The following DISP3 variants were observed in gnomAD, a reference collection of about 807,000 sequenced individuals.
DISP3 encodes the protein protein dispatched homolog 3.
DISP3 carries 101 observed loss-of-function variants against 135.3 expected under a neutral mutation model. The observed-to-expected ratio is 0.75, with a 90% CI of 0.64 to 0.88. The LOEUF is 0.88. DISP3 is among the 40% of genes least tolerant of loss of function. The pLI is 0.00. For synonymous variants in DISP3, 856 were observed against 817.0 expected (o/e 1.05, Z -0.81); for missense variants, 1,713 against 1,878.6 (o/e 0.91, Z 1.63).
At chr1:11,488,491 A>G (rs1641097140) in intron 1 of DISP3, among the ~76,000 whole-genome samples, 1 of 152,298 alleles carries the variant, frequency 6.6e-6, no homozygotes, top group Admixed American at 6.5e-5. Context: ...CTGGGTGGGC[A>G]CCGAAGGTGA....
At position 11,520,603 on chromosome 1, in the gene DISP3, A is replaced by C; in HGVS notation, c.2201-84A>C. On this transcript the variant is annotated intron_variant, in intron 9 of 20. Coordinates refer to ENST00000294484, the MANE Select transcript of DISP3 (RefSeq NM_020780.2). This position sits in a 1 kb window ranked among gnomAD's most constrained non-coding sequence, Gnocchi z 4.8. ...ACACCCGCCCCCCAACAACCAGAGC[A>C]GTTGTCTCCCGGCACTTTGGAGCCC... 3 of 1,454,494 alleles carry C rather than the reference A, an allele frequency of 2.1e-6. No homozygotes were observed. Among genetic ancestry groups the C allele is most frequent in the South Asian group, 1.3e-5 (1 of 77,644 alleles). The allele number at this position is 1,454,494 out of a possible 1,614,324, so 90.1% of individuals were successfully genotyped here.
intron 7 of DISP3, among the ~76,000 whole-genome samples, chr1:11,518,178 G>C (rs1304763045): frequency 6.6e-6 from 1 of 152,332 alleles, no homozygotes; most frequent in South Asian, 2.1e-4. Flanking sequence ...GCTGCCTGGG[G>C]TTGGGAGGAT....
At chr1:11,509,028 A>G (rs2594315) in intron 3 of DISP3, among the ~76,000 whole-genome samples, 129,475 of 152,070 alleles carry the variant, frequency 0.85, 55,216 homozygotes, top group Admixed American at 0.88. Flanking sequence ...TCCTAATAGA[A>G]GTGTTTAATG....
At chr1:11,506,956 C>T (rs1205731562) in intron 3 of DISP3, among the ~76,000 whole-genome samples, 5 of 152,142 alleles carry the variant, frequency 3.3e-5, no homozygotes, top group Non-Finnish European at 1.5e-5. Context: ...CATGTGCCAC[C>T]ATGCCCAGCT....
chr1:11,480,677 G>GCACACACACACACACACA (rs70983561), intron 1 of DISP3, among the ~76,000 whole-genome samples: 7 of 142,632 alleles, frequency 4.9e-5, no homozygotes, highest in Non-Finnish European at 1.1e-4. Flanking sequence ...GCGCGCGCGT[G>GCACACACACACACACACA]CACACACACA....
At chr1:11,535,762 CTG>C (rs1642693641) in intron 20 of DISP3, 118 bp downstream of exon 20, 2 of 1,328,848 alleles carry the variant, frequency 1.5e-6, no homozygotes, top group South Asian at 2.9e-5. Flanking sequence ...CCCATGCAGG[CTG>C]TGTTCTAGAA....
intron 10 of DISP3, among the ~76,000 whole-genome samples, chr1:11,521,173 G>A (rs765891472): frequency 1.3e-5 from 2 of 151,932 alleles, no homozygotes; most frequent in East Asian, 1.9e-4. Context: ...AGAGGCCCAC[G>A]TCATGGAAGG....
Position 11,535,142 on chromosome 1 carries a change from T to C in DISP3, c.3649+18T>C. 6.3e-7 allele frequency: 1 copy of C among 1,581,008 alleles called. No individual in the cohort carries two copies. The highest frequency in any genetic ancestry group is 8.6e-7 in the Non-Finnish European group (1 of 1,163,674). On this transcript the variant is annotated intron_variant, in intron 19 of 20. Transcript: ENST00000294484. ...CATCTTGGGTACGTGGGCGAGGGGC[T>C]GGCAGGCACCCTGCTGGTAGGGACG...
At chr1:11,514,999 T>C (rs939974238) in intron 4 of DISP3, among the ~76,000 whole-genome samples, 2 of 152,220 alleles carry the variant, frequency 1.3e-5, no homozygotes, top group African/African-American at 4.8e-5. Context: ...GGTAATACTT[T>C]CCAAAATGGA....
At chr1:11,497,734 C>T (rs184111998) in intron 1 of DISP3, among the ~76,000 whole-genome samples, 87 of 152,286 alleles carry the variant, frequency 5.7e-4, no homozygotes, top group African/African-American at 1.9e-3. Context: ...TTAGCTCCCA[C>T]GTATCAGTGA....
intron 3 of DISP3, among the ~76,000 whole-genome samples, chr1:11,503,379 C>A (rs1641608672): frequency 6.6e-6 from 1 of 152,188 alleles, no homozygotes; most frequent in African/African-American, 2.4e-5. Flanking sequence ...GCTGCAAGAC[C>A]TTTGGATGCT....
chr1:11,496,032 A>G (rs1329497377), intron 1 of DISP3, among the ~76,000 whole-genome samples: 2 of 152,274 alleles, frequency 1.3e-5, no homozygotes, highest in Non-Finnish European at 2.9e-5. Context: ...ACAAGTACAA[A>G]GGAGAAAATA....
In DISP3 at chr1:11,519,238, T is replaced by G. The variant is rs371304755; in HGVS notation, c.1890-117T>G. On this transcript the variant is annotated intron_variant, in intron 7 of 20. Coordinates refer to ENST00000294484, the MANE Select transcript of DISP3 (RefSeq NM_020780.2). The surrounding 1 kb of genome is among the most constrained non-coding windows in gnomAD (Gnocchi z 4.3). The stretch of plus-strand genomic sequence containing the variant: ...CCAGAAGTCTGGGGTGCTCATCCTG[T>G]GTGTGACGTCAGCAGCACTGTGATA... The G allele has an allele frequency of 2.7e-4, 340 of 1,253,272 alleles. 1 individual carries two copies. In the African/African-American group the frequency reaches 4.4e-3, roughly 16 times the overall value. The allele number at this position is 1,253,272 out of a possible 1,614,324, so 77.6% of individuals were successfully genotyped here. A position where few individuals can be genotyped will look rare whatever the true frequency, so the allele number is the denominator to read the frequency against.
At chr1:11,507,184 G>A (rs1173105510) in intron 3 of DISP3, among the ~76,000 whole-genome samples, 1 of 152,182 alleles carries the variant, frequency 6.6e-6, no homozygotes, top group African/African-American at 2.4e-5. Flanking sequence ...AAGGCACATA[G>A]AGTCGTGGCT....
chr1:11,497,392 C>A (rs958030085), intron 1 of DISP3, among the ~76,000 whole-genome samples: 1 of 148,522 alleles, frequency 6.7e-6, no homozygotes, highest in Non-Finnish European at 1.5e-5. Flanking sequence ...TCCATTGTAT[C>A]ATTCTTTTTT....
chr1:11,505,556 C>T (rs1361617900), intron 3 of DISP3, among the ~76,000 whole-genome samples: 1 of 152,200 alleles, frequency 6.6e-6, no homozygotes, highest in Non-Finnish European at 1.5e-5. Flanking sequence ...ATCCTGTAGA[C>T]TTGACTTAAG....
Position 11,501,590 on chromosome 1 carries a change from A to G in DISP3, c.598A>G (p.Ser200Gly). ...GGCTCAAAAGCCCACAGCCAATCGGAGCGGGCGACTTCGGCGTGAGACCCC... is the reference window on the plus strand; with the variant it reads ...GGCTCAAAAGCCCACAGCCAATCGGGGCGGGCGACTTCGGCGTGAGACCCC... ...SAAQKPTANR[S>G]GRLRRETPPL... is the part of the protein sequence containing the mutation. Residue 200 changes from serine to glycine, a missense_variant, in exon 2 of 21, where the codon AGC becomes GGC. Physicochemically the swap from Ser to Gly is moderately conservative, Grantham distance 56 (BLOSUM62 0). Around this residue, in one of 2 missense-constraint regions of DISP3, gnomAD observed 571 missense variants for 494.1 expected, o/e 1.16. Coordinates refer to ENST00000294484, the MANE Select transcript of DISP3 (RefSeq NM_020780.2). This position sits in a 1 kb window ranked among gnomAD's most constrained non-coding sequence, Gnocchi z 4.9. 4.4e-6 allele frequency: 7 copies of G among 1,598,186 alleles called. No individual in the cohort carries two copies. The highest frequency in any genetic ancestry group is 6.0e-6 in the Non-Finnish European group (7 of 1,171,120).
rs747326868 is a variant in DISP3 at position 11,520,802 on chromosome 1, C to T, written c.2316C>T (p.Leu772=). 6.2e-7 allele frequency: 1 copy of T among 1,613,232 alleles called. No individual in the cohort carries two copies. The highest frequency in any genetic ancestry group is 1.3e-5 in the African/African-American group (1 of 75,046). Reference sequence around the variant, plus strand: ...CCAACATCCAGGTGCTGCTGGACCTCAAGTACAACCTGAGCGCCGAGGGCA... The same window carrying T: ...CCAACATCCAGGTGCTGCTGGACCTTAAGTACAACCTGAGCGCCGAGGGCA... ...PDTNIQVLLD[L]KYNLSAEGIS... Residue 772 remains leucine, a synonymous_variant, in exon 10 of 21, where the codon CTC becomes CTT. Coordinates refer to ENST00000294484, the MANE Select transcript of DISP3 (RefSeq NM_020780.2). This position sits in a 1 kb window ranked among gnomAD's most constrained non-coding sequence, Gnocchi z 4.8.
intron 1 of DISP3, among the ~76,000 whole-genome samples, chr1:11,485,009 C>A (rs1258515890): frequency 1.3e-5 from 2 of 151,958 alleles, no homozygotes; most frequent in Admixed American, 6.6e-5. Context: ...GTGATTTTTG[C>A]CATTGAAAGT....
Sources: allele counts gnomAD v4.1 joint callset (sites outside exome capture counted in the v4.1 genomes callset), GRCh38; gene constraint gnomAD v4.1.1; regional missense constraint gnomAD v4.1.1; non-coding constraint Gnocchi (gnomAD v3.1); transcripts MANE v1.5; gene names NCBI Gene and HGNC (gene_info 2026-07-23, HGNC 2026-07-21).